MGAT4C: variants seen among roughly 807,000 people sequenced by gnomAD.
MGAT4C encodes the protein MGAT4 family member C.
MGAT4C carries 19 observed loss-of-function variants against 40.1 expected under a neutral mutation model. The observed-to-expected ratio is 0.47, with a 90% confidence interval of 0.33 to 0.70. MGAT4C has a LOEUF of 0.70. Ranked by LOEUF, MGAT4C falls within the 30% of genes least tolerant of loss-of-function variation. The pLI is 0.02. For synonymous variants in MGAT4C, 181 were observed against 187.1 expected, an observed-to-expected ratio of 0.97 and a Z score of 0.27; for missense variants, 491 against 563.2, an observed-to-expected ratio of 0.87 and a Z score of 1.30.
intron 1 of MGAT4C, among the ~76,000 whole-genome samples, chr12:86,109,601 A>G (rs1323913048): frequency 6.6e-6 from 1 of 152,082 alleles, no homozygotes; most frequent in Admixed American, 6.6e-5. Flanking sequence ...TCATTCATTT[A>G]AAGGGATGAT....
chr12:86,611,166 C>T (rs1271951419), intron 2 of MGAT4C, among the ~76,000 whole-genome samples: 2 of 151,784 alleles, frequency 1.3e-5, no homozygotes, highest in African/African-American at 4.8e-5. Context: ...CCATGGCTGC[C>T]AAATTTAGAG....
At chr12:86,564,818 T>G (rs1294106090) in intron 2 of MGAT4C, among the ~76,000 whole-genome samples, 1 of 152,152 alleles carries the variant, frequency 6.6e-6, no homozygotes, top group Non-Finnish European at 1.5e-5. Flanking sequence ...CAGTTTTGAG[T>G]TGGGTCTAGA....
Position 85,980,385 on chromosome 12 carries a change from T to C in MGAT4C, c.341A>G (p.Asn114Ser), listed in dbSNP as rs1301532372. The C allele has an allele frequency of 3.1e-6, 5 of 1,607,606 alleles. No individual in the cohort carries two copies. The highest frequency in any genetic ancestry group is 1.3e-5 in the African/African-American group (1 of 74,590). Residue 114 changes from asparagine to serine, a missense_variant, in exon 5 of 5, where the codon AAC becomes AGC. Asn to Ser is a conservative substitution (Grantham distance 46, BLOSUM62 1). Coordinates refer to ENST00000611864, the MANE Select transcript of MGAT4C (RefSeq NM_001351288.2). Reference sequence around the variant, plus strand: ...TGACTTAATTGTCTCAAGTAAATAGTTTCCTTTTTTTCGCTTTACTGAAGA... The same window carrying C: ...TGACTTAATTGTCTCAAGTAAATAGCTTCCTTTTTTTCGCTTTACTGAAGA... The part of the protein sequence containing the change: ...GLSSVKRKKG[N>S]YLLETIKSIF...
chr12:86,216,001 A>G (rs970546237), intron 1 of MGAT4C, among the ~76,000 whole-genome samples: 2 of 152,092 alleles, frequency 1.3e-5, no homozygotes, highest in Non-Finnish European at 2.9e-5. Flanking sequence ...AAATAACTGG[A>G]TCGAATCCAG....
At chr12:86,739,119 T>A (rs1235766992) in intron 1 of MGAT4C, among the ~76,000 whole-genome samples, 3 of 103,834 alleles carry the variant, frequency 2.9e-5, no homozygotes, top group Non-Finnish European at 5.4e-5. Context: ...TTAATTCAGC[T>A]ATGTTTCCCT....
intron 2 of MGAT4C, among the ~76,000 whole-genome samples, chr12:86,699,818 G>T (rs1950323382): frequency 6.6e-6 from 1 of 152,050 alleles, no homozygotes; most frequent in African/African-American, 2.4e-5. Flanking sequence ...CACCATAAAG[G>T]TATTCATCCT....
intron 2 of MGAT4C, among the ~76,000 whole-genome samples, chr12:86,473,289 T>A (rs1957782513): frequency 6.6e-6 from 1 of 152,094 alleles, no homozygotes; most frequent in South Asian, 2.1e-4. Context: ...AAAGTAGGAA[T>A]GGAGAGCAAT....
At chr12:86,759,000 C>G (rs1011949226) in intron 1 of MGAT4C, among the ~76,000 whole-genome samples, 1 of 152,104 alleles carries the variant, frequency 6.6e-6, no homozygotes, top group East Asian at 1.9e-4. Flanking sequence ...TCCTACCTAA[C>G]TGTAGCTTTG....
At chr12:86,692,954 G>C (rs1950196817) in intron 2 of MGAT4C, among the ~76,000 whole-genome samples, 1 of 152,282 alleles carries the variant, frequency 6.6e-6, no homozygotes, top group Non-Finnish European at 1.5e-5. Flanking sequence ...CAACCGTTTT[G>C]AATGATCCCA....
At chr12:86,796,404 T>A (rs1952120120) in intron 1 of MGAT4C, among the ~76,000 whole-genome samples, 1 of 152,024 alleles carries the variant, frequency 6.6e-6, no homozygotes, top group Non-Finnish European at 1.5e-5. Context: ...GAAAGTCTTG[T>A]CATTTTTGAC....
chr12:86,581,455 G>T (rs1001184795), intron 2 of MGAT4C, among the ~76,000 whole-genome samples: 7 of 151,324 alleles, frequency 4.6e-5, no homozygotes, highest in African/African-American at 1.7e-4. Context: ...GCTAGGGATG[G>T]TACTGTTTCC....
intron 1 of MGAT4C, among the ~76,000 whole-genome samples, chr12:86,756,698 C>T (rs1320953150): frequency 1.3e-5 from 2 of 152,124 alleles, no homozygotes; most frequent in Non-Finnish European, 2.9e-5. Flanking sequence ...AGTTGTTGCA[C>T]TATTCTTATT....
At chr12:86,603,549 A>AC (rs1240444985) in intron 2 of MGAT4C, among the ~76,000 whole-genome samples, 206 of 4,216 alleles carry the variant, frequency 0.049, 25 homozygotes, top group South Asian at 0.41. Flanking sequence ...TAGACTATAG[A>AC]TAATATATAG....
chr12:86,549,076 A>G (rs1959230486), intron 2 of MGAT4C, among the ~76,000 whole-genome samples: 1 of 152,140 alleles, frequency 6.6e-6, no homozygotes, highest in South Asian at 2.1e-4. Flanking sequence ...AAATCCTTAA[A>G]ACCAGATAAG....
intron 3 of MGAT4C, among the ~76,000 whole-genome samples, chr12:86,405,946 ACATGTATGTATT>A (rs1956460687): frequency 3.0e-4 from 1 of 3,356 alleles, no homozygotes; most frequent in Non-Finnish European, 5.0e-4. Flanking sequence ...ATTTATAAAT[ACATGTATGTATT>A]TATATTATAC....
At chr12:86,216,274 C>G (rs1161535570) in intron 1 of MGAT4C, among the ~76,000 whole-genome samples, 1 of 152,030 alleles carries the variant, frequency 6.6e-6, no homozygotes, top group African/African-American at 2.4e-5. Flanking sequence ...ATCAGAAACA[C>G]CAAGAAAGTA....
chr12:86,267,780 C>T (rs903381001), intron 4 of MGAT4C, among the ~76,000 whole-genome samples: 2 of 152,078 alleles, frequency 1.3e-5, no homozygotes, highest in Non-Finnish European at 2.9e-5. Context: ...AAAATTTAGA[C>T]TTCTCTTGAT....
At chr12:86,493,236 T>TGGC (rs1447227740) in intron 2 of MGAT4C, among the ~76,000 whole-genome samples, 1 of 151,078 alleles carries the variant, frequency 6.6e-6, no homozygotes, top group Non-Finnish European at 1.5e-5. Flanking sequence ...GAAGTCAGTG[T>TGGC]GGCGATTCCT....
rs569499610 is a variant in MGAT4C, at chr12:86,052,639, G to A, written c.-56-2916C>T. 2.0e-5 allele frequency among the ~76,000 whole-genome samples: 3 copies of A among 151,866 alleles called. No homozygotes were observed. In the South Asian group the frequency reaches 6.2e-4, roughly 32 times the overall value. ...ATTGCAGATTGGGAACACAAAACAT[G>A]AAAGAAAATGAAAGACAGAAAGATA... is the stretch of plus-strand genomic sequence containing the variant. On this transcript the variant is annotated intron_variant, in intron 1 of 4. Coordinates refer to ENST00000611864, the MANE Select transcript of MGAT4C (RefSeq NM_001351288.2).
Sources: allele counts gnomAD v4.1 joint callset (sites outside exome capture counted in the v4.1 genomes callset), GRCh38; gene constraint gnomAD v4.1.1; transcripts MANE v1.5; gene names NCBI Gene and HGNC (gene_info 2026-07-23, HGNC 2026-07-21).